CELF1: variants seen among roughly 807,000 people sequenced by gnomAD.
CELF1 encodes CUGBP Elav-like family member 1.
In CELF1, 10 loss-of-function variants were observed where a neutral mutation model predicts 61.8. That is an observed-to-expected ratio of 0.16 (90% CI 0.10 to 0.27). CELF1 has a LOEUF of 0.27. Among genes scored for constraint, CELF1 ranks in the 10% least tolerant of loss-of-function variants. The pLI is 1.00. For missense variants in CELF1, 380 were observed against 639.1 expected (o/e 0.59, Z 4.37); for synonymous variants, 236 against 225.1 (o/e 1.05, Z -0.43).
chr11:47,516,749 A>G (rs2095577132), intron 1 of CELF1, among the ~76,000 whole-genome samples: 1 of 151,936 alleles, frequency 6.6e-6, no homozygotes, highest in African/African-American at 2.4e-5. Flanking sequence ...TACAGGCCCA[A>G]GCCACCAAGC....
Position 47,542,172 on chromosome 11 carries a change from C to A in CELF1, c.-154+10820G>T, listed in dbSNP as rs553221439. 9.2e-5 allele frequency among the ~76,000 whole-genome samples: 14 copies of A among 152,236 alleles called. No individual in the cohort carries two copies. The South Asian group carries it at 2.9e-3, about 32-fold the overall frequency. On this transcript the variant is annotated intron_variant, in intron 1 of 14. Coordinates refer to ENST00000687097, the MANE Select transcript of CELF1 (RefSeq NM_001376376.1). The stretch of plus-strand genomic sequence containing the variant: ...ATCACCTGAGGTCAGGAGTTCGAGA[C>A]CAGCCTAGCCAACATGGTGAAACCC...
At chr11:47,511,577 T>C (rs1387280126) in intron 1 of CELF1, among the ~76,000 whole-genome samples, 1 of 152,194 alleles carries the variant, frequency 6.6e-6, no homozygotes, top group Non-Finnish European at 1.5e-5. Flanking sequence ...TAAAGAGAAA[T>C]GTCTAGACAT....
chr11:47,474,682 T>C (rs563691082), intron 13 of CELF1, among the ~76,000 whole-genome samples: 3 of 152,362 alleles, frequency 2.0e-5, no homozygotes, highest in Non-Finnish European at 2.9e-5. Flanking sequence ...ATCTTTTTCC[T>C]ACATTAGTGC....
chr11:47,493,337 C>T (rs1009221506), intron 3 of CELF1, among the ~76,000 whole-genome samples: 3 of 31,642 alleles, frequency 9.5e-5, no homozygotes, highest in East Asian at 1.8e-3. Context: ...CCCGTCCCTA[C>T]TTAAAAAAAA....
chr11:47,497,072 G>C (rs1396458731), intron 3 of CELF1, among the ~76,000 whole-genome samples: 1 of 152,196 alleles, frequency 6.6e-6, no homozygotes, highest in African/African-American at 2.4e-5. Context: ...GAGTTCACTT[G>C]AACTCCAAGG....
intron 1 of CELF1, among the ~76,000 whole-genome samples, chr11:47,531,139 C>G (rs976913715): frequency 2.0e-5 from 3 of 151,954 alleles, no homozygotes; most frequent in Non-Finnish European, 4.4e-5. Context: ...CCCAGCTACT[C>G]GGGAAGCTGA....
At chr11:47,550,510 T>A (rs1210467760) in intron 1 of CELF1, among the ~76,000 whole-genome samples, 2 of 152,048 alleles carry the variant, frequency 1.3e-5, no homozygotes, top group African/African-American at 4.8e-5. Flanking sequence ...CAAGACTCCA[T>A]GGCGGGGTTG....
chr11:47,488,175 G>A (rs543985775), intron 4 of CELF1, among the ~76,000 whole-genome samples: 1 of 152,254 alleles, frequency 6.6e-6, no homozygotes, highest in Admixed American at 6.5e-5. Flanking sequence ...TTGAAAACTG[G>A]TAAAATGGAA....
In CELF1 at chr11:47,502,910, A is replaced by C. The variant is rs1288850551; in HGVS notation, c.-153-1978T>G. On this transcript the variant is annotated intron_variant, in intron 1 of 14. Coordinates refer to ENST00000687097, the MANE Select transcript of CELF1 (RefSeq NM_001376376.1). ...ATACAGAGGTGACAGGAGGGGTTAT[A>C]ACCAAGGGTCTGCTGCAAAAGAAGG... is the stretch of plus-strand genomic sequence containing the variant. Among the ~76,000 whole-genome samples, 27 of 152,066 alleles carry C rather than the reference A, an allele frequency of 1.8e-4. 1 individual carries two copies.
intron 3 of CELF1, among the ~76,000 whole-genome samples, chr11:47,490,044 T>C (rs2090579322): frequency 6.7e-6 from 1 of 148,918 alleles, no homozygotes; most frequent in Admixed American, 6.8e-5. Flanking sequence ...GTTCAAGAGA[T>C]TCTCCTGCCT....
intron 10 of CELF1, chr11:47,477,763 G>C (rs1259083550): frequency 8.8e-6 from 2 of 226,262 alleles, no homozygotes; most frequent in Non-Finnish European, 1.8e-5. Context: ...CACAGAATGG[G>C]ACTGCATCCA....
chr11:47,488,801 G>GA (rs1204445821), intron 4 of CELF1, 36 bp downstream of exon 4: 21 of 1,390,122 alleles, frequency 1.5e-5, no homozygotes, highest in Middle Eastern at 2.5e-4. Context: ...AGAGTCAGTG[G>GA]AAAAAATAAG....
rs538643999 is a variant in CELF1 at position 47,506,153 on chromosome 11, G to A, written c.-153-5221C>T. 3.7e-4 allele frequency among the ~76,000 whole-genome samples: 56 copies of A among 150,104 alleles called. 1 individual carries two copies. The highest frequency in any genetic ancestry group is 1.2e-3 in the African/African-American group (50 of 41,130). ...AAAAAAAAAAATTTGCAGGCTGGGC[G>A]CGGTGGCTCACACCTGTAATCCCAG... On this transcript the variant is annotated intron_variant, in intron 1 of 14. Coordinates refer to ENST00000687097, the MANE Select transcript of CELF1 (RefSeq NM_001376376.1).
chr11:47,485,909 C>T (rs898614948), intron 6 of CELF1, among the ~76,000 whole-genome samples: 1 of 147,460 alleles, frequency 6.8e-6, no homozygotes, highest in East Asian at 2.1e-4. Flanking sequence ...CGCCTGTAAT[C>T]CCAGCACTTT....
At chr11:47,536,125 T>C (rs2096623529) in intron 1 of CELF1, among the ~76,000 whole-genome samples, 1 of 152,132 alleles carries the variant, frequency 6.6e-6, no homozygotes, top group African/African-American at 2.4e-5. Flanking sequence ...TCCCAGCACT[T>C]TGGGAGGCTG....
At chr11:47,496,502 A>T (rs1005424582) in intron 3 of CELF1, among the ~76,000 whole-genome samples, 1 of 152,250 alleles carries the variant, frequency 6.6e-6, no homozygotes, top group African/African-American at 2.4e-5. Context: ...AGAAGGGCAC[A>T]ACTATAATCC....
chr11:47,492,601 G>A (rs1233989170), intron 3 of CELF1, among the ~76,000 whole-genome samples: 5 of 152,070 alleles, frequency 3.3e-5, no homozygotes, highest in South Asian at 4.1e-4. Flanking sequence ...GTGTGGTGGC[G>A]TGCACCTGTA....
In CELF1 at chr11:47,488,896, C is replaced by T; in HGVS notation, c.200G>A (p.Gly67Asp). ...KDLRELFEQY[G>D]AVYEINVLRD... ...TAGGACGTTGATTTCATACACAGCACCATACTGTTCGAAGAGTTCCCGCAA... is the reference window on the plus strand; with the variant it reads ...TAGGACGTTGATTTCATACACAGCATCATACTGTTCGAAGAGTTCCCGCAA... The change falls in exon 4 of 15, where the codon GGT becomes GAT. Residue 67 changes from glycine (G) to aspartate (D), a missense_variant. Transcript: ENST00000687097. The T allele has an allele frequency of 6.2e-7, 1 of 1,612,714 alleles. No individual in the cohort carries two copies. Among genetic ancestry groups the T allele is most frequent in the East Asian group, 2.2e-5 (1 of 44,762 alleles).
chr11:47,482,680 AC>A lies in CELF1; in HGVS notation c.768+14del. On this transcript the variant is annotated intron_variant, in intron 9 of 14. Transcript: ENST00000687097. Reference sequence around the variant, plus strand: ...AGCTTGCACAGTCTGCAGAAAGCAAACCACAAAGACTCACTGCTAAATACTG... The same window carrying A: ...AGCTTGCACAGTCTGCAGAAAGCAAACACAAAGACTCACTGCTAAATACTG... The A allele has an allele frequency of 6.2e-7, 1 of 1,607,320 alleles. No homozygotes were observed. The highest frequency in any genetic ancestry group is 8.5e-7 in the Non-Finnish European group (1 of 1,176,256).
Sources: gnomAD v4.1 joint callset for allele counts (sites outside exome capture counted in the v4.1 genomes callset) on GRCh38, gnomAD v4.1.1 for gene constraint, MANE v1.5 for transcripts, NCBI Gene and HGNC (gene_info 2026-07-23, HGNC 2026-07-21) for gene names.